Variants in CSMD1 observed in about 807,000 individuals in gnomAD.
The protein encoded by CSMD1 is CUB and sushi domain-containing protein 1.
Under a neutral mutation model 417.5 loss-of-function variants are expected in CSMD1, and 213 were observed. The ratio of observed to expected loss-of-function variants is 0.51; its 90% CI spans 0.46 to 0.57. The LOEUF (loss-of-function observed/expected upper bound fraction) is 0.57. CSMD1 is among the 20% of genes least tolerant of loss of function. The pLI is 0.00. For synonymous variants in CSMD1, 2,862 were observed against 1,736.8 expected, an observed-to-expected ratio of 1.65 and a Z score of -16.11; for missense variants, 6,923 against 4,529.7, an observed-to-expected ratio of 1.53 and a Z score of -15.17.
At chr8:4,488,354 C>T (rs140939862) in intron 2 of CSMD1, among the ~76,000 whole-genome samples, 134 of 152,114 alleles carry the variant, frequency 8.8e-4, no homozygotes, top group Non-Finnish European at 1.6e-3. Context: ...GTATTCTGAA[C>T]ACTTGACATA....
intron 3 of CSMD1, among the ~76,000 whole-genome samples, chr8:4,247,090 C>A (rs1038163144): frequency 6.6e-6 from 1 of 152,116 alleles, no homozygotes; most frequent in Non-Finnish European, 1.5e-5. Context: ...ATGGGTTGTA[C>A]GGTCTAGTGA....
chr8:4,830,251 C>G (rs984030771), intron 1 of CSMD1, among the ~76,000 whole-genome samples: 3 of 152,150 alleles, frequency 2.0e-5, no homozygotes, highest in African/African-American at 7.2e-5. Context: ...CCACAACACC[C>G]AAATGAATTC....
At chr8:4,320,050 A>T (rs939276902) in intron 3 of CSMD1, among the ~76,000 whole-genome samples, 1 of 152,220 alleles carries the variant, frequency 6.6e-6, no homozygotes, top group East Asian at 1.9e-4. Flanking sequence ...AATGAGTAGT[A>T]AACAAAAGAC....
At chr8:3,538,879 G>A (rs1230895537) in intron 10 of CSMD1, among the ~76,000 whole-genome samples, 2 of 152,126 alleles carry the variant, frequency 1.3e-5, no homozygotes, top group East Asian at 1.9e-4. Context: ...GTTGTTCTCT[G>A]CTCCCACTCT....
chr8:3,637,722 A>G (rs540909013), intron 7 of CSMD1, among the ~76,000 whole-genome samples: 48 of 152,300 alleles, frequency 3.2e-4, no homozygotes, highest in African/African-American at 1.1e-3. Context: ...AAGTAGGGAT[A>G]TGGTTTGGCT....
At chr8:4,981,984 ACT>A (rs1209872895) in intron 1 of CSMD1, among the ~76,000 whole-genome samples, 2 of 152,040 alleles carry the variant, frequency 1.3e-5, no homozygotes, top group African/African-American at 2.4e-5. Context: ...CTGATGGTAA[ACT>A]CTGGCCAAAA....
intron 3 of CSMD1, among the ~76,000 whole-genome samples, chr8:4,385,708 A>G (rs985100179): frequency 1.3e-5 from 2 of 152,220 alleles, no homozygotes; most frequent in Admixed American, 6.5e-5. Flanking sequence ...GTATTTTTAT[A>G]GAGAAAATTC....
At chr8:4,117,031 C>G (rs1381008919) in intron 3 of CSMD1, among the ~76,000 whole-genome samples, 2 of 151,270 alleles carry the variant, frequency 1.3e-5, no homozygotes, top group African/African-American at 4.8e-5. Flanking sequence ...TTTTTCTTTT[C>G]GCAGTTTGGA....
At chr8:4,496,367 G>A (rs1339386386) in intron 2 of CSMD1, among the ~76,000 whole-genome samples, 1 of 152,144 alleles carries the variant, frequency 6.6e-6, no homozygotes, top group African/African-American at 2.4e-5. Flanking sequence ...CAGCGCAGGA[G>A]TCCATCCTGA....
chr8:3,670,879 G>A (rs972731686), intron 7 of CSMD1, among the ~76,000 whole-genome samples: 3 of 150,000 alleles, frequency 2.0e-5, no homozygotes, highest in South Asian at 2.1e-4. Context: ...ATATGTATAT[G>A]GGATATATAT....
intron 50 of CSMD1, among the ~76,000 whole-genome samples, chr8:3,036,581 T>A (rs1810687746): frequency 6.6e-6 from 1 of 152,196 alleles, no homozygotes; most frequent in African/African-American, 2.4e-5. Flanking sequence ...AGTCTAGCAC[T>A]AAAAACCTGT....
intron 3 of CSMD1, among the ~76,000 whole-genome samples, chr8:4,111,596 G>C (rs1291333955): frequency 6.6e-6 from 1 of 152,086 alleles, no homozygotes; most frequent in African/African-American, 2.4e-5. Context: ...AACATAAAAA[G>C]AAATGAAATT....
intron 5 of CSMD1, among the ~76,000 whole-genome samples, chr8:3,967,712 G>T (rs1173620657): frequency 6.6e-6 from 1 of 152,064 alleles, no homozygotes; most frequent in South Asian, 2.1e-4. Context: ...TAAGGGAAGT[G>T]GGCAAGAGAT....
intron 5 of CSMD1, among the ~76,000 whole-genome samples, chr8:3,771,955 G>A (rs73658251): frequency 6.6e-6 from 1 of 151,924 alleles, no homozygotes; most frequent in Non-Finnish European, 1.5e-5. Context: ...AATGTCTACT[G>A]GCATTCAGCA....
At chr8:3,783,055 C>T (rs1025686414) in intron 5 of CSMD1, among the ~76,000 whole-genome samples, 1 of 152,188 alleles carries the variant, frequency 6.6e-6, no homozygotes, top group East Asian at 1.9e-4. Context: ...ACACTTCCTA[C>T]TGTTGAAAGC....
chr8:4,263,862 G>T (rs78825244), intron 3 of CSMD1, among the ~76,000 whole-genome samples: 1 of 152,060 alleles, frequency 6.6e-6, no homozygotes, highest in East Asian at 1.9e-4. Context: ...TAACTTATTT[G>T]TGTTTTGACC....
At chr8:3,219,921 T>C (rs1432814808) in intron 28 of CSMD1, among the ~76,000 whole-genome samples, 2 of 152,170 alleles carry the variant, frequency 1.3e-5, no homozygotes, top group Admixed American at 6.5e-5. Context: ...TTCTTACTTT[T>C]ATTTTTACTT....
chr8:4,113,632 C>T (rs554819792), intron 3 of CSMD1, among the ~76,000 whole-genome samples: 5 of 152,152 alleles, frequency 3.3e-5, no homozygotes, highest in East Asian at 3.9e-4. Flanking sequence ...TCTTGAACTC[C>T]TGACCTCCTG....
At chr8:3,113,239 C>G (rs867538283) in intron 42 of CSMD1, 1 of 152,296 alleles carries the variant, frequency 6.6e-6, no homozygotes, top group Non-Finnish European at 1.5e-5. Context: ...CTGGTCCAAG[C>G]CGGACCAGGA....
Sources: gnomAD v4.1 joint callset for allele counts (sites outside exome capture counted in the v4.1 genomes callset) on GRCh38, gnomAD v4.1.1 for gene constraint, MANE v1.5 for transcripts, NCBI Gene and HGNC (gene_info 2026-07-23, HGNC 2026-07-21) for gene names.